RBFOX1: variants seen among roughly 807,000 people sequenced by gnomAD.
The protein encoded by RBFOX1 is RNA binding fox-1 homolog 1.
Under a neutral mutation model 57.7 loss-of-function variants are expected in RBFOX1, and 8 were observed. The observed-to-expected ratio is 0.14, with a 90% confidence interval of 0.08 to 0.25. The LOEUF is 0.25. Ranked by LOEUF, RBFOX1 falls within the 10% of genes least tolerant of loss-of-function variation. RBFOX1 has a pLI of 1.00. For synonymous variants in RBFOX1, 326 were observed against 222.4 expected (o/e 1.47, Z -4.15); for missense variants, 611 against 548.5 (o/e 1.11, Z -1.14).
chr16:7,160,253 G>C (rs1181574411), intron 4 of RBFOX1, among the ~76,000 whole-genome samples: 2 of 151,662 alleles, frequency 1.3e-5, no homozygotes, highest in Non-Finnish European at 2.9e-5. Flanking sequence ...TTAGAGGCCA[G>C]ATGGCATTGT....
intron 4 of RBFOX1, among the ~76,000 whole-genome samples, chr16:7,205,244 G>T (rs149852510): frequency 2.6e-5 from 4 of 152,068 alleles, no homozygotes; most frequent in Non-Finnish European, 5.9e-5. Context: ...TGGGCGGGGC[G>T]TGGCGGCTCA....
rs184043021 is a variant in RBFOX1, at chr16:6,527,256, T to C, written c.-63-127347T>C. On this transcript the variant is annotated intron_variant, in intron 2 of 15. Coordinates refer to ENST00000550418, the MANE Select transcript of RBFOX1 (RefSeq NM_018723.4). ...GAAGTAAAGACGCGTTACCAGTTTG[T>C]TTTGTATTTTTTGTATTGTCTGTAT... Among the ~76,000 whole-genome samples, 216 of 152,200 alleles carry C rather than the reference T, an allele frequency of 1.4e-3. 2 individuals are homozygous for C. Among genetic ancestry groups the C allele is most frequent in the African/African-American group, 5.1e-3 (211 of 41,532 alleles).
chr16:5,314,332 G>T (rs1462499809), intron 1 of RBFOX1, among the ~76,000 whole-genome samples: 2 of 152,128 alleles, frequency 1.3e-5, no homozygotes, highest in Non-Finnish European at 1.5e-5. Context: ...TGGAGAGGGG[G>T]AGTGGTAGAC....
chr16:7,043,802 T>A (rs887492520), intron 3 of RBFOX1, among the ~76,000 whole-genome samples: 16 of 152,238 alleles, frequency 1.1e-4, no homozygotes, highest in African/African-American at 3.9e-4. Flanking sequence ...CTCTTGCACT[T>A]GACTCTTGTG....
At chr16:6,221,602 C>T (rs2097373802) in intron 1 of RBFOX1, among the ~76,000 whole-genome samples, 1 of 152,134 alleles carries the variant, frequency 6.6e-6, no homozygotes, top group Non-Finnish European at 1.5e-5. Context: ...CATTCTTATA[C>T]TGCTAATAAA....
intron 1 of RBFOX1, among the ~76,000 whole-genome samples, chr16:5,290,398 G>C (rs145428471): frequency 1.2e-4 from 19 of 152,126 alleles, no homozygotes; most frequent in Non-Finnish European, 2.5e-4. Flanking sequence ...GAGGAAATGG[G>C]AGGTACCTGC....
At chr16:7,374,271 G>A (rs1469670324) in intron 4 of RBFOX1, among the ~76,000 whole-genome samples, 5 of 152,176 alleles carry the variant, frequency 3.3e-5, no homozygotes, top group African/African-American at 9.7e-5. Flanking sequence ...CTGAGGCTCC[G>A]TGTTTTCGCT....
intron 3 of RBFOX1, among the ~76,000 whole-genome samples, chr16:5,623,912 A>G (rs2048272084): frequency 6.6e-6 from 1 of 152,148 alleles, no homozygotes; most frequent in Non-Finnish European, 1.5e-5. Context: ...GTGGTTTTTT[A>G]TTATTCACAG....
chr16:6,891,841 A>G (rs1002158896), intron 3 of RBFOX1, among the ~76,000 whole-genome samples: 1 of 152,206 alleles, frequency 6.6e-6, no homozygotes, highest in African/African-American at 2.4e-5. Flanking sequence ...ATATGATACC[A>G]TTATAGCTAC....
At chr16:5,513,976 T>A (rs2043696920) in intron 2 of RBFOX1, among the ~76,000 whole-genome samples, 1 of 152,194 alleles carries the variant, frequency 6.6e-6, no homozygotes, top group Non-Finnish European at 1.5e-5. Context: ...ACCAACATGT[T>A]AAGGCAGGCT....
intron 3 of RBFOX1, among the ~76,000 whole-genome samples, chr16:5,856,531 A>G (rs12928222): frequency 0.29 from 17,246 of 59,884 alleles, 2,961 homozygotes; most frequent in Non-Finnish European, 0.34. Flanking sequence ...TCATTCATAT[A>G]TGTGTATGTG....
intron 3 of RBFOX1, among the ~76,000 whole-genome samples, chr16:6,978,723 G>C (rs771176426): frequency 6.6e-6 from 1 of 152,220 alleles, no homozygotes; most frequent in African/African-American, 2.4e-5. Flanking sequence ...ATAAATCTCA[G>C]AGTAAGTTTG....
At chr16:7,123,104 C>G (rs1600172168) in intron 4 of RBFOX1, among the ~76,000 whole-genome samples, 1 of 152,092 alleles carries the variant, frequency 6.6e-6, no homozygotes, top group Non-Finnish European at 1.5e-5. Context: ...TGATGGAACT[C>G]TTCTGCTTCC....
At chr16:5,331,144 A>C (rs752975787) in intron 1 of RBFOX1, among the ~76,000 whole-genome samples, 2 of 152,142 alleles carry the variant, frequency 1.3e-5, no homozygotes, top group African/African-American at 2.4e-5. Context: ...TCCGCTGTAT[A>C]ACTTACGTGG....
At chr16:6,667,764 C>G (rs536939229) in intron 3 of RBFOX1, among the ~76,000 whole-genome samples, 1 of 152,036 alleles carries the variant, frequency 6.6e-6, no homozygotes, top group African/African-American at 2.4e-5. Flanking sequence ...TGGTGCGTGC[C>G]TGTAGTCCCA....
At chr16:7,518,003 G>T (rs2076741908) in intron 4 of RBFOX1, 144 bp from the exon 5 acceptor site, 1 of 939,354 alleles carries the variant, frequency 1.1e-6, no homozygotes, top group Non-Finnish European at 1.6e-6. Flanking sequence ...GATGACCTGA[G>T]ATTGGTCCAT....
chr16:6,714,277 C>T (rs934053630), intron 3 of RBFOX1, among the ~76,000 whole-genome samples: 1 of 152,144 alleles, frequency 6.6e-6, no homozygotes, highest in Non-Finnish European at 1.5e-5. Context: ...ATAAATGACC[C>T]AGTCTCAGGC....
intron 2 of RBFOX1, among the ~76,000 whole-genome samples, chr16:6,506,930 G>A (rs1212943829): frequency 6.6e-6 from 1 of 152,168 alleles, no homozygotes; most frequent in Non-Finnish European, 1.5e-5. Context: ...TTACAGTCAT[G>A]AGCCACCGTG....
At chr16:6,789,676 A>G (rs2082570045) in intron 3 of RBFOX1, among the ~76,000 whole-genome samples, 1 of 151,992 alleles carries the variant, frequency 6.6e-6, no homozygotes, top group Non-Finnish European at 1.5e-5. Context: ...TCTTTTGCCC[A>G]TTTTCATCCT....
Sources: gnomAD v4.1 joint callset for allele counts (sites outside exome capture counted in the v4.1 genomes callset) on GRCh38, gnomAD v4.1.1 for gene constraint, MANE v1.5 for transcripts, NCBI Gene and HGNC (gene_info 2026-07-23, HGNC 2026-07-21) for gene names.